RABL3: variants seen among roughly 807,000 people sequenced by gnomAD.
RABL3 encodes the protein RAB, member of RAS oncogene family like 3.
In RABL3, 31 loss-of-function variants were observed where a neutral mutation model predicts 31.8. The observed-to-expected ratio is 0.97, with a 90% confidence interval of 0.73 to 1.31. The LOEUF is 1.31. Ranked by LOEUF, RABL3 falls within the 40% of genes most tolerant of loss-of-function variation. The pLI is 0.00. For synonymous variants in RABL3, 97 were observed against 99.9 expected (o/e 0.97, Z 0.18); for missense variants, 263 against 279.6 (o/e 0.94, Z 0.42).
Position 120,737,786 on chromosome 3 carries a change from C to T in RABL3, c.46+4676G>A, listed in dbSNP as rs7637165. ...GGTCTGTTGGATTTTGATGGAGGTC[C>T]GCTCCAGACCCTGTTTGCCTGGGCA... On this transcript the variant is annotated intron_variant, in intron 1 of 7. Transcript: ENST00000273375. Among the ~76,000 whole-genome samples, 1,186 of 152,290 alleles carry T rather than the reference C, an allele frequency of 7.8e-3. 14 individuals are homozygous for T. Among genetic ancestry groups the T allele is most frequent in the African/African-American group, 0.027 (1,103 of 41,566 alleles).
intron 2 of RABL3, among the ~76,000 whole-genome samples, chr3:120,725,538 G>C (rs1000209354): frequency 6.6e-6 from 1 of 152,150 alleles, no homozygotes; most frequent in Non-Finnish European, 1.5e-5. Flanking sequence ...CAAAGACTTG[G>C]AACCAACCCA....
chr3:120,688,898 T>C lies in RABL3; in HGVS notation c.*925A>G, dbSNP rs559048945. 2 of 152,288 alleles carry C rather than the reference T, an allele frequency of 1.3e-5. No homozygotes were observed. The highest frequency in any genetic ancestry group is 3.9e-4 in the East Asian group (2 of 5,190). 9.4% of individuals were successfully genotyped at this position (152,288 alleles called of 1,614,324 possible). On this transcript the variant is annotated 3_prime_UTR_variant, in exon 8 of 8. Transcript: ENST00000273375. ...TGTAAATGTGTTGCTGTGGAACTTA[T>C]TTTTACTTCTCTCCATAAATACATT...
intron 6 of RABL3, among the ~76,000 whole-genome samples, chr3:120,691,764 A>G (rs1290189081): frequency 6.6e-6 from 1 of 152,210 alleles, no homozygotes; most frequent in Non-Finnish European, 1.5e-5. Flanking sequence ...GATGAACTCT[A>G]AGACATTCAA....
rs1379549686 is a variant in RABL3 at position 120,688,176 on chromosome 3, G to C, written c.*1647C>G. On this transcript the variant is annotated 3_prime_UTR_variant, in exon 8 of 8. Transcript: ENST00000273375. ...AAAAGAAAGAGGAAGAAAGAAGGAA[G>C]GAAGATTTATTTCTTGAAGGAGAAA... The C allele has an allele frequency of 6.6e-6, 1 of 152,562 alleles. No homozygotes were observed. The highest frequency in any genetic ancestry group is 2.4e-5 in the African/African-American group (1 of 41,420). 9.5% of individuals were successfully genotyped at this position (152,562 alleles called of 1,614,324 possible). A position where few individuals can be genotyped will look rare whatever the true frequency, so the allele number is the denominator to read the frequency against.
At chr3:120,693,638 G>C (rs981942549) in intron 6 of RABL3, among the ~76,000 whole-genome samples, 4 of 139,398 alleles carry the variant, frequency 2.9e-5, no homozygotes, top group Non-Finnish European at 6.6e-5. Context: ...TTCCAGCTGA[G>C]GACAATAAAA....
At position 120,706,134 on chromosome 3, in the gene RABL3, C is replaced by T; in HGVS notation, c.269-20G>A. 7.0e-7 allele frequency: 1 copy of T among 1,431,436 alleles called. No homozygotes were observed. Among genetic ancestry groups the T allele is most frequent in the African/African-American group, 1.4e-5 (1 of 71,356 alleles). The allele number at this position is 1,431,436 out of a possible 1,614,324, so 88.7% of individuals were successfully genotyped here. The stretch of plus-strand genomic sequence containing the variant: ...TAATACCTAAAATAATCAGAGAAAA[C>T]AATGTTAATCCCTTAACAATTCCTC... On this transcript the variant is annotated intron_variant, in intron 3 of 7. Transcript: ENST00000273375.
chr3:120,718,163 C>T (rs889609216), intron 2 of RABL3, among the ~76,000 whole-genome samples: 2 of 152,090 alleles, frequency 1.3e-5, no homozygotes, highest in Non-Finnish European at 2.9e-5. Context: ...TTCCATTATA[C>T]CCTATCCTCA....
chr3:120,690,463 T>C lies in RABL3; in HGVS notation c.631A>G (p.Arg211Gly). 6.3e-7 allele frequency: 1 copy of C among 1,596,662 alleles called. No individual in the cohort carries two copies. Among genetic ancestry groups the C allele is most frequent in the Non-Finnish European group, 8.6e-7 (1 of 1,164,562 alleles). Residue 211 changes from arginine (R) to glycine (G), a missense_variant, in exon 7 of 8, where the codon AGA (arginine) becomes GGA (glycine). Transcript: ENST00000273375. ...GAGATACCAACCTGATTACCTTCTC[T>C]TAAAAAGTATCTCTTCTCTATGACC... is the stretch of plus-strand genomic sequence containing the variant. Reference protein sequence around the residue: ...DKVIEKRYFLREGNQIPGFPD... With the variant: ...DKVIEKRYFLGEGNQIPGFPD...
intron 2 of RABL3, among the ~76,000 whole-genome samples, chr3:120,720,355 GAGA>G (rs1232250696): frequency 2.0e-5 from 3 of 152,202 alleles, no homozygotes; most frequent in Admixed American, 6.5e-5. Flanking sequence ...GATGATTTGA[GAGA>G]AGAAGGCTTC....
chr3:120,696,282 A>G (rs34565470), intron 5 of RABL3, among the ~76,000 whole-genome samples: 34,793 of 152,080 alleles, frequency 0.23, 4,700 homozygotes, highest in Non-Finnish European at 0.3. Flanking sequence ...ACAGTAACTG[A>G]TGTTAGCACT....
At chr3:120,695,865 C>A (rs1576331075) in intron 5 of RABL3, among the ~76,000 whole-genome samples, 1 of 151,780 alleles carries the variant, frequency 6.6e-6, no homozygotes, top group Non-Finnish European at 1.5e-5. Context: ...AAAAAAACAC[C>A]CCCAAAACCT....
intron 2 of RABL3, among the ~76,000 whole-genome samples, chr3:120,727,214 C>G (rs1201284008): frequency 6.6e-6 from 1 of 152,024 alleles, no homozygotes; most frequent in Non-Finnish European, 1.5e-5. Flanking sequence ...AGAAAATCAA[C>G]AAGGCAGAAA....
At chr3:120,695,999 A>C (rs1192800452) in intron 5 of RABL3, among the ~76,000 whole-genome samples, 2 of 152,314 alleles carry the variant, frequency 1.3e-5, no homozygotes, top group East Asian at 3.9e-4. Context: ...AAGCCTGAAA[A>C]TTAATAGCTC....
At chr3:120,737,978 AC>A (rs1190069329) in intron 1 of RABL3, among the ~76,000 whole-genome samples, 1 of 152,118 alleles carries the variant, frequency 6.6e-6, no homozygotes, top group Non-Finnish European at 1.5e-5. Flanking sequence ...GGGGTCAGGG[AC>A]CCACTTGAGG....
Position 120,689,119 on chromosome 3 carries a change from G to C in RABL3, c.*704C>G, listed in dbSNP as rs1447670626. 1 of 152,070 alleles carries C rather than the reference G, an allele frequency of 6.6e-6. No homozygotes were observed. The highest frequency in any genetic ancestry group is 2.4e-5 in the African/African-American group (1 of 41,392). 9.4% of individuals were successfully genotyped at this position (152,070 alleles called of 1,614,324 possible). A position where few individuals can be genotyped will look rare whatever the true frequency, so the allele number is the denominator to read the frequency against. ...TATAGCAGCAACCTTAAGAGTGAGGGAGCTGTCAATTTTTCACATCATTTT... is the reference window on the plus strand; with the variant it reads ...TATAGCAGCAACCTTAAGAGTGAGGCAGCTGTCAATTTTTCACATCATTTT... On this transcript the variant is annotated 3_prime_UTR_variant, in exon 8 of 8. Coordinates refer to ENST00000273375, the MANE Select transcript of RABL3 (RefSeq NM_173825.5).
Position 120,690,467 on chromosome 3 carries a change from A to G in RABL3, c.627T>C (p.Phe209=), listed in dbSNP as rs1275228382. ...TACCAACCTGATTACCTTCTCTTAAAAAGTATCTCTTCTCTATGACCTGTG... is the reference window on the plus strand; with the variant it reads ...TACCAACCTGATTACCTTCTCTTAAGAAGTATCTCTTCTCTATGACCTGTG... ...FFDKVIEKRY[F]LREGNQIPGF... The change falls in exon 7 of 8, where the codon TTT becomes TTC. Residue 209 remains phenylalanine (F), a synonymous_variant. Coordinates refer to ENST00000273375, the MANE Select transcript of RABL3 (RefSeq NM_173825.5). The G allele has an allele frequency of 5.6e-6, 9 of 1,599,874 alleles. No individual in the cohort carries two copies. Among genetic ancestry groups the G allele is most frequent in the Non-Finnish European group, 7.7e-6 (9 of 1,167,460 alleles).
intron 1 of RABL3, among the ~76,000 whole-genome samples, chr3:120,734,243 C>G (rs1268910610): frequency 1.3e-5 from 2 of 152,158 alleles, no homozygotes; most frequent in Non-Finnish European, 1.5e-5. Flanking sequence ...TTGTAATTCT[C>G]CTTGAAGAGG....
intron 3 of RABL3, among the ~76,000 whole-genome samples, chr3:120,708,696 T>C (rs1708578527): frequency 6.6e-6 from 1 of 152,046 alleles, no homozygotes; most frequent in Admixed American, 6.6e-5. Flanking sequence ...TATACCATTG[T>C]ATATACCTTT....
At chr3:120,737,381 T>C (rs557985817) in intron 1 of RABL3, among the ~76,000 whole-genome samples, 5 of 152,352 alleles carry the variant, frequency 3.3e-5, no homozygotes, top group African/African-American at 1.2e-4. Context: ...CAACAGGTCA[T>C]TTAAGGACTT....
Sources: allele counts gnomAD v4.1 joint callset (sites outside exome capture counted in the v4.1 genomes callset), GRCh38; gene constraint gnomAD v4.1.1; transcripts MANE v1.5; gene names NCBI Gene and HGNC (gene_info 2026-07-23, HGNC 2026-07-21).